Variants in ZNF438 observed in about 807,000 individuals in gnomAD.
ZNF438 encodes zinc finger protein 438.
ZNF438 carries 25 observed loss-of-function variants against 38.0 expected under a neutral mutation model. That is an observed-to-expected ratio of 0.66 (90% CI 0.48 to 0.92). The LOEUF (loss-of-function observed/expected upper bound fraction) is 0.92, where lower values mean the gene tolerates loss of function less well. Among genes scored for constraint, ZNF438 ranks in the 40% least tolerant of loss-of-function variants. The probability of loss-of-function intolerance (pLI) is 0.00; values close to 1 mark genes in which losing one functional copy is unlikely to be tolerated. For missense variants in ZNF438, 1,007 were observed against 999.6 expected, an observed-to-expected ratio of 1.01 and a Z score of -0.10; for synonymous variants, 372 against 364.1, an observed-to-expected ratio of 1.02 and a Z score of -0.25.
At chr10:30,908,076 C>T (rs1156792970) in intron 3 of ZNF438, among the ~76,000 whole-genome samples, 1 of 152,000 alleles carries the variant, frequency 6.6e-6, no homozygotes, top group Non-Finnish European at 1.5e-5. Flanking sequence ...CTTGTGATTT[C>T]CTCTTTGACT....
At chr10:31,013,090 C>T (rs904160678) in intron 1 of ZNF438, among the ~76,000 whole-genome samples, 7 of 152,108 alleles carry the variant, frequency 4.6e-5, no homozygotes, top group South Asian at 2.1e-4. Context: ...GAGGCCGAGG[C>T]GGGCGGATCA....
intron 1 of ZNF438, among the ~76,000 whole-genome samples, chr10:30,976,466 G>A (rs1206275033): frequency 2.0e-5 from 3 of 152,204 alleles, no homozygotes; most frequent in African/African-American, 7.2e-5. Context: ...TCATGGCTGG[G>A]TGCAGTGGCA....
intron 1 of ZNF438, among the ~76,000 whole-genome samples, chr10:30,978,569 A>G (rs1290657475): frequency 2.0e-5 from 3 of 152,184 alleles, no homozygotes; most frequent in Non-Finnish European, 1.5e-5. Flanking sequence ...AAGATATAGA[A>G]CACAACCATT....
intron 1 of ZNF438, among the ~76,000 whole-genome samples, chr10:30,948,313 A>T (rs2047702840): frequency 6.6e-6 from 1 of 152,154 alleles, no homozygotes; most frequent in Non-Finnish European, 1.5e-5. Flanking sequence ...AACAGAACAG[A>T]AAAACTGGAA....
intron 3 of ZNF438, among the ~76,000 whole-genome samples, chr10:30,885,951 C>T (rs188449186): frequency 2.0e-5 from 3 of 152,230 alleles, no homozygotes; most frequent in Admixed American, 1.3e-4. Context: ...AGGAATCCTA[C>T]GTAACTCCAG....
chr10:30,869,282 G>T (rs1201677813), intron 4 of ZNF438, among the ~76,000 whole-genome samples: 1 of 152,140 alleles, frequency 6.6e-6, no homozygotes, highest in East Asian at 1.9e-4. Flanking sequence ...GCTGAGGCAG[G>T]AGAATCGCTT....
intron 2 of ZNF438, among the ~76,000 whole-genome samples, chr10:30,928,980 C>G (rs959462255): frequency 1.3e-5 from 2 of 152,148 alleles, no homozygotes; most frequent in Non-Finnish European, 2.9e-5. Flanking sequence ...GTTACTGTAT[C>G]ATATGCTTTC....
chr10:30,931,715 C>T (rs2045720052), intron 2 of ZNF438, among the ~76,000 whole-genome samples: 1 of 152,172 alleles, frequency 6.6e-6, no homozygotes, highest in South Asian at 2.1e-4. Flanking sequence ...CAGTTTTCTT[C>T]CAGGTACGTC....
chr10:30,848,251 A>C (rs1564470175), intron 5 of ZNF438, among the ~76,000 whole-genome samples: 1 of 152,156 alleles, frequency 6.6e-6, no homozygotes, highest in East Asian at 1.9e-4. Flanking sequence ...AAATAACGCA[A>C]ATTCTGTGGA....
intron 3 of ZNF438, among the ~76,000 whole-genome samples, chr10:30,879,297 CTG>C (rs1180211963): frequency 2.0e-5 from 3 of 152,222 alleles, no homozygotes; most frequent in African/African-American, 7.2e-5. Flanking sequence ...TAATTCTAAA[CTG>C]TGCATTTCTC....
intron 1 of ZNF438, among the ~76,000 whole-genome samples, chr10:30,954,511 A>T (rs947141881): frequency 9.8e-5 from 15 of 152,350 alleles, no homozygotes; most frequent in Admixed American, 9.1e-4. Context: ...AATCGTATCT[A>T]GTTCAGTTCT....
At chr10:30,978,676 T>G (rs1394946827) in intron 1 of ZNF438, among the ~76,000 whole-genome samples, 1 of 152,164 alleles carries the variant, frequency 6.6e-6, no homozygotes, top group Non-Finnish European at 1.5e-5. Flanking sequence ...ATACAGTAAA[T>G]TTATCTCTTC....
At chr10:31,008,853 A>C (rs1009530660) in intron 1 of ZNF438, among the ~76,000 whole-genome samples, 5 of 152,248 alleles carry the variant, frequency 3.3e-5, no homozygotes, top group Admixed American at 2.6e-4. Context: ...AGCTATTTCT[A>C]AAGTGGCTGC....
chr10:30,879,141 A>G (rs1177113825), intron 3 of ZNF438, among the ~76,000 whole-genome samples: 1 of 152,206 alleles, frequency 6.6e-6, no homozygotes, highest in African/African-American at 2.4e-5. Context: ...AAACACCCCA[A>G]GACCAGGGAA....
chr10:30,863,929 G>C (rs959413081), intron 4 of ZNF438, among the ~76,000 whole-genome samples: 3 of 152,166 alleles, frequency 2.0e-5, no homozygotes, highest in African/African-American at 7.2e-5. Flanking sequence ...AAAGTTTCTA[G>C]TTCAAAACCG....
chr10:30,884,922 T>C (rs1005103063), intron 3 of ZNF438, among the ~76,000 whole-genome samples: 1 of 152,224 alleles, frequency 6.6e-6, no homozygotes, highest in African/African-American at 2.4e-5. Context: ...CAGAAAATAA[T>C]TTGCTCCATG....
At chr10:31,003,826 A>C (rs2054880307) in intron 1 of ZNF438, among the ~76,000 whole-genome samples, 1 of 152,162 alleles carries the variant, frequency 6.6e-6, no homozygotes, top group South Asian at 2.1e-4. Context: ...GTGGCTCCCT[A>C]GTTTACTCCA....
At position 30,872,737 on chromosome 10, in the gene ZNF438, G is replaced by C. The variant is rs544588781; in HGVS notation, c.37+4261C>G. ...TGCACTCCAGCCTGGGTGACAGAGT[G>C]AGACTCTGTCTCAAAAAAAAAAAAA... On this transcript the variant is annotated intron_variant, in intron 4 of 5. Transcript: ENST00000413025. 3.4e-3 allele frequency among the ~76,000 whole-genome samples: 394 copies of C among 114,350 alleles called. 4 individuals are homozygous for C. The highest frequency in any genetic ancestry group is 0.013 in the Admixed American group (120 of 9,348). The allele number at this position is 114,350 out of a possible 152,430, so 75.0% of individuals were successfully genotyped here.
exon 6 of ZNF438, chr10:30,844,754 A>G (rs1056376303): frequency 1.7e-6 from 1 of 582,546 alleles, no homozygotes; most frequent in African/African-American, 1.9e-5. Context: ...GTATTTTAAA[A>G]TAAGACTGCA....
Sources: gnomAD v4.1 joint callset for allele counts (sites outside exome capture counted in the v4.1 genomes callset) on GRCh38, gnomAD v4.1.1 for gene constraint, MANE v1.5 for transcripts, NCBI Gene and HGNC (gene_info 2026-07-23, HGNC 2026-07-21) for gene names.